The following SEZ6L variants were observed in gnomAD, a reference collection of about 807,000 sequenced individuals.
The protein encoded by SEZ6L is seizure 6-like protein.
A neutral mutation model predicts 106.2 loss-of-function variants in SEZ6L; 37 were observed. The observed-to-expected ratio is 0.35, with a 90% CI of 0.27 to 0.46. SEZ6L has a LOEUF of 0.46. Among genes scored for constraint, SEZ6L ranks in the 20% least tolerant of loss-of-function variants. The pLI is 1.00. For synonymous variants in SEZ6L, 541 were observed against 570.4 expected (o/e 0.95, Z 0.73); for missense variants, 1,172 against 1,332.8 (o/e 0.88, Z 1.88).
At chr22:26,313,125 G>T (rs1055713307) in intron 8 of SEZ6L, among the ~76,000 whole-genome samples, 28 of 152,318 alleles carry the variant, frequency 1.8e-4, no homozygotes, top group African/African-American at 6.7e-4. Context: ...AATTTAAAGG[G>T]CACCTGCCGC....
At chr22:26,373,990 G>A (rs563155260) in intron 14 of SEZ6L, among the ~76,000 whole-genome samples, 45 of 152,120 alleles carry the variant, frequency 3.0e-4, no homozygotes, top group African/African-American at 9.6e-4. Context: ...ATTCCCAAAT[G>A]AGACTTATTA....
At chr22:26,169,809 G>C in intron 1 of SEZ6L, 46 bp downstream of exon 1, 1 of 1,023,000 alleles carries the variant, frequency 9.8e-7, no homozygotes, top group Non-Finnish European at 1.3e-6. Context: ...AAGTTGCCGG[G>C]AGAGCGGGGC....
At chr22:26,294,714 G>T (rs966762453) in intron 3 of SEZ6L, among the ~76,000 whole-genome samples, 2 of 110,996 alleles carry the variant, frequency 1.8e-5, no homozygotes, top group African/African-American at 3.8e-5. Context: ...ACGCATGCAC[G>T]TGCATAAACA....
chr22:26,248,936 T>G (rs948282094), intron 1 of SEZ6L, among the ~76,000 whole-genome samples: 21 of 140,756 alleles, frequency 1.5e-4, no homozygotes, highest in African/African-American at 5.2e-4. Context: ...TTTTTTCTCC[T>G]GATAAGAACT....
At chr22:26,177,915 G>A (rs1036573565) in intron 1 of SEZ6L, among the ~76,000 whole-genome samples, 1 of 152,122 alleles carries the variant, frequency 6.6e-6, no homozygotes, top group African/African-American at 2.4e-5. Context: ...ACAAGAAAGG[G>A]CTTACTCAAA....
intron 1 of SEZ6L, among the ~76,000 whole-genome samples, chr22:26,171,976 A>C (rs1475900378): frequency 2.6e-5 from 4 of 152,028 alleles, no homozygotes; most frequent in Non-Finnish European, 5.9e-5. Context: ...GGGGATTTGT[A>C]AATACTCAAA....
chr22:26,345,236 A>C (rs1383139961), intron 10 of SEZ6L, among the ~76,000 whole-genome samples: 1 of 152,194 alleles, frequency 6.6e-6, no homozygotes, highest in Non-Finnish European at 1.5e-5. Context: ...CTGGGATCTG[A>C]AGAACAGGAA....
intron 10 of SEZ6L, 102 bp downstream of exon 10, chr22:26,340,734 T>C (rs1234871760): frequency 1.1e-6 from 1 of 947,168 alleles, no homozygotes; most frequent in Admixed American, 2.8e-5. Context: ...CAGCGATTTT[T>C]CATTGTATTG....
chr22:26,330,758 C>T (rs1193733131), intron 9 of SEZ6L, among the ~76,000 whole-genome samples: 2 of 152,106 alleles, frequency 1.3e-5, no homozygotes, highest in African/African-American at 4.8e-5. Context: ...TTTCCCGAAA[C>T]TGCGTGTAAA....
intron 1 of SEZ6L, among the ~76,000 whole-genome samples, chr22:26,183,595 C>T (rs1939552533): frequency 6.6e-6 from 1 of 152,156 alleles, no homozygotes; most frequent in Non-Finnish European, 1.5e-5. Flanking sequence ...TTTAAGAGAA[C>T]CTCCAATAAC....
chr22:26,283,555 TCAA>T (rs1459642826), intron 1 of SEZ6L, among the ~76,000 whole-genome samples: 1 of 152,154 alleles, frequency 6.6e-6, no homozygotes, highest in Non-Finnish European at 1.5e-5. Flanking sequence ...AAAGTGTTGA[TCAA>T]CAACAACAAT....
At chr22:26,260,370 G>A (rs988079800) in intron 1 of SEZ6L, among the ~76,000 whole-genome samples, 2 of 152,034 alleles carry the variant, frequency 1.3e-5, no homozygotes, top group African/African-American at 4.8e-5. Flanking sequence ...TCCCACTTAT[G>A]AGTAAGAACA....
intron 1 of SEZ6L, among the ~76,000 whole-genome samples, chr22:26,283,076 C>T (rs2080824002): frequency 6.6e-6 from 1 of 152,014 alleles, no homozygotes; most frequent in Non-Finnish European, 1.5e-5. Context: ...GGTGTGCCGC[C>T]ACACCTGGCT....
chr22:26,277,652 C>T (rs775309284), intron 1 of SEZ6L, among the ~76,000 whole-genome samples: 3 of 152,150 alleles, frequency 2.0e-5, no homozygotes, highest in Non-Finnish European at 4.4e-5. Flanking sequence ...ATCTACAATC[C>T]GTCACTTAAA....
intron 6 of SEZ6L, among the ~76,000 whole-genome samples, chr22:26,309,048 G>A (rs2081731187): frequency 6.6e-6 from 1 of 152,148 alleles, no homozygotes; most frequent in Admixed American, 6.5e-5. Context: ...ACAAACTGTG[G>A]CTGCAACATT....
At chr22:26,370,514 T>C (rs2083994637) in intron 13 of SEZ6L, among the ~76,000 whole-genome samples, 1 of 152,194 alleles carries the variant, frequency 6.6e-6, no homozygotes, top group African/African-American at 2.4e-5. Flanking sequence ...AGGTATCTCA[T>C]GGAACAAGTA....
At chr22:26,258,172 T>C (rs2145811241) in intron 1 of SEZ6L, among the ~76,000 whole-genome samples, 1 of 152,222 alleles carries the variant, frequency 6.6e-6, no homozygotes, top group Middle Eastern at 3.4e-3. Context: ...GCCTCTACCT[T>C]TGAAATACAC....
chr22:26,350,217 T>C (rs1169547861), intron 11 of SEZ6L, among the ~76,000 whole-genome samples: 5 of 149,400 alleles, frequency 3.3e-5, no homozygotes, highest in African/African-American at 4.9e-5. Flanking sequence ...TACACATATA[T>C]ATATATATAT....
chr22:26,234,160 T>C (rs1244658750), intron 1 of SEZ6L, among the ~76,000 whole-genome samples: 1 of 152,158 alleles, frequency 6.6e-6, no homozygotes, highest in African/African-American at 2.4e-5. Context: ...AACTGGGGTG[T>C]CAGGATCCAA....
Sources: gnomAD v4.1 joint callset for allele counts (sites outside exome capture counted in the v4.1 genomes callset) on GRCh38, gnomAD v4.1.1 for gene constraint, MANE v1.5 for transcripts, NCBI Gene and HGNC (gene_info 2026-07-23, HGNC 2026-07-21) for gene names.